The following GRIA1 variants were observed in gnomAD, a reference collection of about 807,000 sequenced individuals.
GRIA1 encodes glutamate receptor 1.
Under a neutral mutation model 99.2 loss-of-function variants are expected in GRIA1, and 31 were observed. The ratio of observed to expected loss-of-function variants is 0.31; its 90% CI spans 0.23 to 0.42. The LOEUF (loss-of-function observed/expected upper bound fraction) is 0.42. Ranked by LOEUF, GRIA1 falls within the 10% of genes least tolerant of loss-of-function variation. The pLI is 1.00. For synonymous variants in GRIA1, 438 were observed against 432.4 expected, an observed-to-expected ratio of 1.01 and a Z score of -0.16; for missense variants, 782 against 1,157.5, an observed-to-expected ratio of 0.68 and a Z score of 4.71.
intron 2 of GRIA1, among the ~76,000 whole-genome samples, chr5:153,623,929 T>C (rs1048171823): frequency 4.6e-5 from 7 of 151,746 alleles, no homozygotes; most frequent in African/African-American, 1.7e-4. Context: ...TCGTTGAATA[T>C]GGTTGTTTCT....
At chr5:153,511,381 T>A (rs1756058975) in intron 2 of GRIA1, among the ~76,000 whole-genome samples, 1 of 152,192 alleles carries the variant, frequency 6.6e-6, no homozygotes, top group South Asian at 2.1e-4. Context: ...TAGGAAATGT[T>A]GAATAAGCTC....
rs376123993 is a variant in GRIA1, at chr5:153,811,090, C to A, written c.2586C>A (p.Asn862Lys). 6.2e-7 allele frequency: 1 copy of A among 1,613,500 alleles called. No individual in the cohort carries two copies. Among genetic ancestry groups the A allele is most frequent in the Non-Finnish European group, 8.5e-7 (1 of 1,179,512 alleles). ...EAIRTSTLPR[N>K]SGAGASSGGS... ...TACGGACATCGACCCTCCCCCGCAA[C>A]AGCGGGGCAGGAGCCAGCAGCGGCG... is the stretch of plus-strand genomic sequence containing the variant. The change falls in exon 16 of 16, where the codon AAC becomes AAA. Residue 862 changes from asparagine to lysine, a missense_variant. Physicochemically the swap from Asn to Lys is moderately conservative, Grantham distance 94 (BLOSUM62 0). Transcript: ENST00000285900.
intron 2 of GRIA1, among the ~76,000 whole-genome samples, chr5:153,545,921 A>G (rs1026128708): frequency 2.0e-5 from 3 of 152,218 alleles, no homozygotes; most frequent in Non-Finnish European, 4.4e-5. Flanking sequence ...GGCCCTGCCT[A>G]TTAGCAAATA....
At chr5:153,691,889 A>T (rs1166769618) in intron 8 of GRIA1, among the ~76,000 whole-genome samples, 4 of 152,168 alleles carry the variant, frequency 2.6e-5, no homozygotes, top group Non-Finnish European at 5.9e-5. Flanking sequence ...TCAAATATAT[A>T]TCAGGTTATA....
In GRIA1 at chr5:153,549,090, G is replaced by A. The variant is rs899191910; in HGVS notation, c.220+55025G>A. 7.2e-5 allele frequency among the ~76,000 whole-genome samples: 11 copies of A among 152,170 alleles called. No homozygotes were observed. The South Asian group carries it at 1.2e-3, about 17-fold the overall frequency. The stretch of plus-strand genomic sequence containing the variant: ...AGATATTTAGGTAGCAAACAGCTCT[G>A]ATGAACTTAAAGAGTTAACAATCAG... On this transcript the variant is annotated intron_variant, in intron 2 of 15. Transcript: ENST00000285900.
chr5:153,501,174 C>T (rs1192577761), intron 2 of GRIA1, among the ~76,000 whole-genome samples: 1 of 152,188 alleles, frequency 6.6e-6, no homozygotes, highest in Admixed American at 6.5e-5. Flanking sequence ...TACTTTGGGG[C>T]CTCAGATGAA....
chr5:153,723,104 C>T (rs1165258726), intron 11 of GRIA1, among the ~76,000 whole-genome samples: 1 of 152,124 alleles, frequency 6.6e-6, no homozygotes, highest in African/African-American at 2.4e-5. Context: ...GAAGAAATTG[C>T]ATTTCAAATG....
intron 11 of GRIA1, among the ~76,000 whole-genome samples, chr5:153,741,717 TAA>T (rs1176671904): frequency 6.6e-6 from 1 of 152,060 alleles, no homozygotes; most frequent in Non-Finnish European, 1.5e-5. Context: ...TGCATAGAAT[TAA>T]AGAGTGGAAT....
At chr5:153,629,829 G>T (rs1272711743) in intron 2 of GRIA1, among the ~76,000 whole-genome samples, 2 of 152,174 alleles carry the variant, frequency 1.3e-5, no homozygotes, top group Admixed American at 6.5e-5. Flanking sequence ...TTTATTAGTG[G>T]CTCATAAGTG....
intron 13 of GRIA1, among the ~76,000 whole-genome samples, chr5:153,778,397 G>A (rs997946915): frequency 6.6e-6 from 1 of 152,054 alleles, no homozygotes; most frequent in African/African-American, 2.4e-5. Context: ...TAGGGGTGGT[G>A]ATAAGACTTG....
chr5:153,607,614 G>T (rs1450414359), intron 2 of GRIA1, among the ~76,000 whole-genome samples: 1 of 151,798 alleles, frequency 6.6e-6, no homozygotes, highest in Non-Finnish European at 1.5e-5. Context: ...TTCTTCTAGT[G>T]CTTACACTGA....
At chr5:153,619,695 T>A (rs191339624) in intron 2 of GRIA1, among the ~76,000 whole-genome samples, 269 of 151,472 alleles carry the variant, frequency 1.8e-3, no homozygotes, top group African/African-American at 5.6e-3. Context: ...AAAATTATTT[T>A]AAAAAAAAGA....
chr5:153,701,705 G>A (rs897299081), intron 10 of GRIA1, among the ~76,000 whole-genome samples: 7 of 149,274 alleles, frequency 4.7e-5, no homozygotes, highest in African/African-American at 1.7e-4. Flanking sequence ...TTTTAGTTTG[G>A]CTTTCCTTTT....
In GRIA1 at chr5:153,764,540, G is replaced by T; in HGVS notation, c.1930G>T (p.Val644Leu). The T allele has an allele frequency of 6.2e-7, 1 of 1,613,468 alleles. No individual in the cohort carries two copies. Among genetic ancestry groups the T allele is most frequent in the Non-Finnish European group, 8.5e-7 (1 of 1,179,378 alleles). The part of the protein sequence containing the change: ...LAAFLTVERM[V>L]SPIESAEDLA... ...CGCCTTCCTGACCGTGGAGAGGATG[G>T]TGTCTCCCATTGAGAGTGCAGAGGA... is the stretch of plus-strand genomic sequence containing the variant. The change falls in exon 12 of 16, where the codon GTG becomes TTG. Residue 644 changes from valine to leucine, a missense_variant. Around this residue, in one of 5 missense-constraint regions of GRIA1, gnomAD observed 119 missense variants for 326.6 expected, o/e 0.36. Transcript: ENST00000285900.
intron 11 of GRIA1, among the ~76,000 whole-genome samples, chr5:153,719,912 A>T (rs1385352469): frequency 6.6e-6 from 1 of 152,214 alleles, no homozygotes; most frequent in Non-Finnish European, 1.5e-5. Flanking sequence ...ACATGTAATA[A>T]GTGCTCAATA....
In GRIA1 at chr5:153,516,083, G is replaced by A. The variant is rs191404388; in HGVS notation, c.220+22018G>A. Among the ~76,000 whole-genome samples the A allele has an allele frequency of 3.1e-3, 467 of 152,134 alleles. 1 individual carries two copies. Among genetic ancestry groups the A allele is most frequent in the Middle Eastern group, 0.01 (3 of 294 alleles). ...AAAATACAAAAAATCAGCCTGACGT[G>A]GTGGCGGGCGCCTGTAATCCCAGCT... On this transcript the variant is annotated intron_variant, in intron 2 of 15. Coordinates refer to ENST00000285900, the MANE Select transcript of GRIA1 (RefSeq NM_000827.4).
intron 2 of GRIA1, among the ~76,000 whole-genome samples, chr5:153,495,967 T>A (rs1581127631): frequency 1.3e-5 from 2 of 152,334 alleles, no homozygotes; most frequent in East Asian, 3.9e-4. Context: ...TTGTATTACT[T>A]GCATAGAGAA....
At chr5:153,746,168 A>T (rs1042325706) in intron 11 of GRIA1, among the ~76,000 whole-genome samples, 1 of 139,570 alleles carries the variant, frequency 7.2e-6, no homozygotes, top group African/African-American at 2.7e-5. Flanking sequence ...CCTCGGAAAG[A>T]GCTGAGTGTC....
chr5:153,776,970 A>G (rs773060999), intron 13 of GRIA1, among the ~76,000 whole-genome samples: 42 of 152,220 alleles, frequency 2.8e-4, no homozygotes, highest in Non-Finnish European at 4.6e-4. Context: ...CTTCTTTTAG[A>G]GAATCACATT....
Sources: gnomAD v4.1 joint callset for allele counts (sites outside exome capture counted in the v4.1 genomes callset) on GRCh38, gnomAD v4.1.1 for gene constraint, gnomAD v4.1.1 regional missense constraint, MANE v1.5 for transcripts, NCBI Gene and HGNC (gene_info 2026-07-23, HGNC 2026-07-21) for gene names.